CHD7: variants seen among roughly 807,000 people sequenced by gnomAD.
The protein encoded by CHD7 is ATP-dependent chromatin remodeler CHD7.
CHD7 carries 24 observed loss-of-function variants against 307.3 expected under a neutral mutation model. That is an observed-to-expected ratio of 0.08 (90% CI 0.06 to 0.11). CHD7 has a LOEUF of 0.11. CHD7 is among the 10% of genes least tolerant of loss of function. The pLI is 1.00. For missense variants in CHD7, 3,106 were observed against 3,727.1 expected (o/e 0.83, Z 4.34); for synonymous variants, 1,363 against 1,349.9 (o/e 1.01, Z -0.21).
chr8:60,681,796 A>G (rs1404147776), intron 1 of CHD7, among the ~76,000 whole-genome samples: 1 of 152,012 alleles, frequency 6.6e-6, no homozygotes, highest in Non-Finnish European at 1.5e-5. Context: ...TATATTTTCT[A>G]ATTTTTTCTC....
chr8:60,860,285 A>C, intron 34 of CHD7, among the ~76,000 whole-genome samples: 1 of 152,214 alleles, frequency 6.6e-6, no homozygotes, highest in Non-Finnish European at 1.5e-5. Context: ...GCCGCCTTTC[A>C]TGCATATCAG....
chr8:60,718,805 T>TCACC (rs1807750747), intron 1 of CHD7, among the ~76,000 whole-genome samples: 1 of 150,780 alleles, frequency 6.6e-6, no homozygotes, highest in African/African-American at 2.5e-5. Flanking sequence ...ACTCACTCAC[T>TCACC]CACCCAGAGC....
At chr8:60,816,601 A>C in intron 8 of CHD7, 100 bp downstream of exon 8, 2 of 690,000 alleles carry the variant, frequency 2.9e-6, no homozygotes, top group Non-Finnish European at 4.9e-6. Flanking sequence ...AGTTAGTCTC[A>C]TTTGGTGCTG....
At chr8:60,745,931 A>G (rs1809301816) in intron 2 of CHD7, among the ~76,000 whole-genome samples, 1 of 152,224 alleles carries the variant, frequency 6.6e-6, no homozygotes, top group Admixed American at 6.5e-5. Flanking sequence ...ACTCCATGGT[A>G]TATATGTTAA....
chr8:60,862,403 G>T, intron 36 of CHD7, 67 bp downstream of exon 36: 1 of 1,529,538 alleles, frequency 6.5e-7, no homozygotes, highest in Non-Finnish European at 8.8e-7. Flanking sequence ...GTTTTATCCT[G>T]CCTTCTTCTA....
At chr8:60,855,818 T>C (rs1563663967) in intron 32 of CHD7, among the ~76,000 whole-genome samples, 157 bp from the exon 33 acceptor site, 2 of 152,250 alleles carry the variant, frequency 1.3e-5, no homozygotes, top group African/African-American at 2.4e-5. Flanking sequence ...GTTTATTTAC[T>C]TTCTTGTTTG....
intron 3 of CHD7, among the ~76,000 whole-genome samples, chr8:60,791,080 G>A (rs543353077): frequency 2.6e-5 from 4 of 152,314 alleles, no homozygotes; most frequent in South Asian, 4.1e-4. Flanking sequence ...GACATTATAT[G>A]TAGAGGTTTG....
chr8:60,800,132 G>A (rs967167186), intron 4 of CHD7, among the ~76,000 whole-genome samples: 8 of 151,718 alleles, frequency 5.3e-5, no homozygotes, highest in African/African-American at 7.3e-5. Flanking sequence ...GTGGGTTCGC[G>A]CCATTCTCCT....
At chr8:60,860,643 C>A (rs550393953) in intron 34 of CHD7, among the ~76,000 whole-genome samples, 14 of 152,326 alleles carry the variant, frequency 9.2e-5, no homozygotes, top group South Asian at 2.1e-4. Flanking sequence ...CCATGTTGGC[C>A]AGGCTGGTCT....
rs745348981 is a variant in CHD7 at position 60,720,564 on chromosome 8, TTG to T, written c.-174-20692_-174-20691del. ...TCCTTAAAGCCTGTCCTCTGCACCATTGTGCTGTTGAGCCTCCAGCTTCTGTG... is the reference window on the plus strand; with the variant it reads ...TCCTTAAAGCCTGTCCTCTGCACCATTGCTGTTGAGCCTCCAGCTTCTGTG... On this transcript the variant is annotated intron_variant, in intron 1 of 37. Coordinates refer to ENST00000423902, the MANE Select transcript of CHD7 (RefSeq NM_017780.4). Among the ~76,000 whole-genome samples, 501 of 152,358 alleles carry T rather than the reference TTG, an allele frequency of 3.3e-3. 4 individuals are homozygous for T. The highest frequency in any genetic ancestry group is 4.6e-3 in the Non-Finnish European group (313 of 68,028).
At chr8:60,856,977 C>A in intron 34 of CHD7, 89 bp downstream of exon 34, 5 of 1,216,276 alleles carry the variant, frequency 4.1e-6, no homozygotes, top group Non-Finnish European at 5.7e-6. Context: ...GTGTTTCTCT[C>A]AGCAGCATTG....
rs1169625490 is a variant in CHD7 at position 60,866,946 on chromosome 8, A to G, written c.*1013A>G. 2.0e-5 allele frequency: 3 copies of G among 152,046 alleles called. No individual in the cohort carries two copies. Among genetic ancestry groups the G allele is most frequent in the South Asian group, 4.2e-4 (2 of 4,816 alleles). The allele number at this position is 152,046 out of a possible 1,614,324, so 9.4% of individuals were successfully genotyped here. On this transcript the variant is annotated 3_prime_UTR_variant, in exon 38 of 38. Transcript: ENST00000423902. ...ATATAGGGAAACTGGTGTTCACTCTATTTTTTTTGTATTCGCAATAGATGC... is the reference window on the plus strand; with the variant it reads ...ATATAGGGAAACTGGTGTTCACTCTGTTTTTTTTGTATTCGCAATAGATGC...
intron 1 of CHD7, among the ~76,000 whole-genome samples, chr8:60,736,746 A>G (rs1385837385): frequency 2.0e-5 from 3 of 152,226 alleles, no homozygotes; most frequent in South Asian, 2.1e-4. Context: ...TTTCCCTTGG[A>G]TGACATTTTA....
chr8:60,692,985 ACTC>A (rs1407611225), intron 1 of CHD7, among the ~76,000 whole-genome samples: 2 of 151,832 alleles, frequency 1.3e-5, no homozygotes, highest in African/African-American at 2.4e-5. Flanking sequence ...CATCATAACA[ACTC>A]CTTCTTCCTG....
chr8:60,825,491 C>G (rs996179597), intron 13 of CHD7: 3 of 152,168 alleles, frequency 2.0e-5, no homozygotes, highest in Non-Finnish European at 2.9e-5. Context: ...TCTCAGGGAC[C>G]TTGGTAAGCA....
At chr8:60,845,914 C>G (rs1805192139) in intron 23 of CHD7, among the ~76,000 whole-genome samples, 1 of 152,172 alleles carries the variant, frequency 6.6e-6, no homozygotes, top group African/African-American at 2.4e-5. Flanking sequence ...ATTCTACTTT[C>G]TGTTTCTATT....
At chr8:60,813,635 G>A (rs1022809034) in intron 7 of CHD7, among the ~76,000 whole-genome samples, 3 of 152,078 alleles carry the variant, frequency 2.0e-5, no homozygotes, top group Non-Finnish European at 2.9e-5. Context: ...TGTTTTTGCA[G>A]TGTCAATAGA....
chr8:60,696,164 G>A (rs552028574), intron 1 of CHD7, among the ~76,000 whole-genome samples: 1 of 152,216 alleles, frequency 6.6e-6, no homozygotes, highest in East Asian at 1.9e-4. Flanking sequence ...ATCATGATTA[G>A]TTTTATACAA....
In CHD7 at chr8:60,853,208, T is replaced by A. The variant is rs185505138; in HGVS notation, c.6483T>A (p.His2161Gln). Residue 2161 changes from histidine to glutamine, a missense_variant, in exon 31 of 38, where the codon CAT becomes CAA. Physicochemically the swap from His to Gln is conservative, Grantham distance 24. Transcript: ENST00000423902. Reference sequence around the variant, plus strand: ...CTCCTCCAGTCATCTCATCTGCTCATATTCAAGATGAGAGGGTACTGGAAC... The same window carrying A: ...CTCCTCCAGTCATCTCATCTGCTCAAATTCAAGATGAGAGGGTACTGGAAC... ...VQTPPVISSA[H>Q]IQDERVLEQA... 5.5e-5 allele frequency: 88 copies of A among 1,613,876 alleles called. No individual in the cohort carries two copies. In the African/African-American group the frequency reaches 1.1e-3, roughly 21 times the overall value.
Sources: allele counts gnomAD v4.1 joint callset (sites outside exome capture counted in the v4.1 genomes callset), GRCh38; gene constraint gnomAD v4.1.1; transcripts MANE v1.5; gene names NCBI Gene and HGNC (gene_info 2026-07-23, HGNC 2026-07-21).